SAMSN1: variants seen among roughly 807,000 people sequenced by gnomAD.
The protein encoded by SAMSN1 is SAM domain-containing protein SAMSN-1.
Under a neutral mutation model 42.0 loss-of-function variants are expected in SAMSN1, and 31 were observed. The observed-to-expected ratio is 0.74, with a 90% CI of 0.55 to 1.00. The LOEUF is 1.00. Ranked by LOEUF, SAMSN1 falls within the 50% of genes least tolerant of loss-of-function variation. SAMSN1 has a pLI of 0.00. For missense variants in SAMSN1, 464 were observed against 439.4 expected (o/e 1.06, Z -0.50); for synonymous variants, 178 against 151.9 (o/e 1.17, Z -1.26).
intron 7 of SAMSN1, among the ~76,000 whole-genome samples, chr21:14,497,680 T>A (rs1294488259): frequency 6.6e-6 from 1 of 152,198 alleles, no homozygotes; most frequent in Admixed American, 6.5e-5. Context: ...AAGTTCCTTT[T>A]TATCTTTAAA....
At chr21:14,615,481 C>A (rs1167089718) in intron 3 of SAMSN1, among the ~76,000 whole-genome samples, 2 of 152,272 alleles carry the variant, frequency 1.3e-5, no homozygotes, top group East Asian at 3.9e-4. Flanking sequence ...TCCCCATAAA[C>A]CGGCTTCCTG....
At chr21:14,499,491 CAA>C (rs11301197) in intron 6 of SAMSN1, among the ~76,000 whole-genome samples, 85,153 of 134,036 alleles carry the variant, frequency 0.64, 26,080 homozygotes, top group Admixed American at 0.71. Flanking sequence ...CCCTTTTTAA[CAA>C]AAAAAAAAAA....
intron 7 of SAMSN1, among the ~76,000 whole-genome samples, chr21:14,489,598 T>C (rs1263128295): frequency 6.6e-6 from 1 of 152,064 alleles, no homozygotes; most frequent in African/African-American, 2.4e-5. Context: ...TGAATAAGGG[T>C]CTTTCTTATT....
intron 2 of SAMSN1, among the ~76,000 whole-genome samples, chr21:14,635,295 T>A (rs1983439441): frequency 6.6e-6 from 1 of 152,168 alleles, no homozygotes; most frequent in Non-Finnish European, 1.5e-5. Flanking sequence ...CGCATATACC[T>A]ATGTAACAAC....
At chr21:14,496,453 C>T (rs1986919029) in intron 7 of SAMSN1, 1 of 152,218 alleles carries the variant, frequency 6.6e-6, no homozygotes, top group South Asian at 2.1e-4. Flanking sequence ...AAATACTCTT[C>T]TCCTCCCTGT....
intron 4 of SAMSN1, among the ~76,000 whole-genome samples, chr21:14,510,892 G>A (rs115977301): frequency 0.013 from 1,951 of 152,266 alleles, 30 homozygotes; most frequent in Middle Eastern, 0.044. Context: ...ATGAGTGCAA[G>A]GGAAGGAGAA....
chr21:14,636,481 C>G (rs1376162918), intron 2 of SAMSN1, among the ~76,000 whole-genome samples: 1 of 152,184 alleles, frequency 6.6e-6, no homozygotes, highest in African/African-American at 2.4e-5. Flanking sequence ...CCATCTGTCA[C>G]TGCAGTCAAG....
chr21:14,518,961 C>T (rs1368060979), intron 2 of SAMSN1, among the ~76,000 whole-genome samples: 2 of 152,132 alleles, frequency 1.3e-5, no homozygotes, highest in African/African-American at 4.8e-5. Flanking sequence ...TCTACCATTT[C>T]TAAGCTTCAG....
chr21:14,575,251 T>C (rs576052656), intron 2 of SAMSN1, among the ~76,000 whole-genome samples: 47 of 152,296 alleles, frequency 3.1e-4, no homozygotes, highest in African/African-American at 1.1e-3. Context: ...AATATTAAAT[T>C]GGTCATAATT....
chr21:14,559,036 C>T (rs1980855539), intron 2 of SAMSN1, among the ~76,000 whole-genome samples: 2 of 152,164 alleles, frequency 1.3e-5, no homozygotes, highest in South Asian at 4.1e-4. Flanking sequence ...TTATGTCGGT[C>T]CCATCTCCAC....
Position 14,654,496 on chromosome 21 carries a change from G to A in SAMSN1, c.24+4252C>T, listed in dbSNP as rs1250870009. Among the ~76,000 whole-genome samples, 3 of 152,032 alleles carry A rather than the reference G, an allele frequency of 2.0e-5. No individual in the cohort carries two copies. In the East Asian group the frequency reaches 5.8e-4, roughly 29 times the overall value. ...ATTGGACAGATCTTAAACCCTGAGG[G>A]GTAGCATGCAATCGATGTCCTCTAC... On this transcript the variant is annotated intron_variant, in intron 1 of 15. Transcript: ENST00000647101.
upstream of SAMSN1, among the ~76,000 whole-genome samples, chr21:14,551,265 T>C (rs1385624706): frequency 6.6e-6 from 1 of 152,104 alleles, no homozygotes; most frequent in Non-Finnish European, 1.5e-5. Flanking sequence ...TATCTTGTTA[T>C]CTCAGTTATA....
upstream of SAMSN1, among the ~76,000 whole-genome samples, chr21:14,585,865 C>T (rs911830383): frequency 3.3e-5 from 5 of 152,062 alleles, no homozygotes; most frequent in Admixed American, 2.6e-4. Flanking sequence ...GGACAACCTC[C>T]TCTTGTTAAT....
chr21:14,581,344 C>CTTTTTTTTTTTTTTTTTTTTT lies in SAMSN1; in HGVS notation c.261+771_261+791dup, dbSNP rs56728511. ...TGTAAAATGAGGGGAAATAATATTT[C>CTTTTTTTTTTTTTTTTTTTTT]TTTTTTTTTTTTTTTTTTTTTTTTT... On this transcript the variant is annotated intron_variant, in intron 2 of 8. Coordinates refer to the SAMSN1 transcript ENST00000285670. 1.1e-3 allele frequency among the ~76,000 whole-genome samples: 37 copies of CTTTTTTTTTTTTTTTTTTTTT among 32,594 alleles called. 13 individuals carry two copies. Among genetic ancestry groups the CTTTTTTTTTTTTTTTTTTTTT allele is most frequent in the East Asian group, 2.6e-3 (2 of 768 alleles). The allele number at this position is 32,594 out of a possible 152,430, so 21.4% of individuals were successfully genotyped here.
chr21:14,519,696 A>T (rs1002730263), intron 2 of SAMSN1, among the ~76,000 whole-genome samples: 1 of 141,288 alleles, frequency 7.1e-6, no homozygotes, highest in Admixed American at 6.8e-5. Flanking sequence ...AATATTACAG[A>T]TAGTTATATT....
chr21:14,519,598 T>C (rs1407084554), intron 2 of SAMSN1, among the ~76,000 whole-genome samples: 1 of 152,054 alleles, frequency 6.6e-6, no homozygotes, highest in African/African-American at 2.4e-5. Flanking sequence ...TGATTGACTA[T>C]ACAATTATGT....
intron 1 of SAMSN1, among the ~76,000 whole-genome samples, chr21:14,527,042 T>C (rs1978906367): frequency 2.0e-5 from 3 of 152,212 alleles, no homozygotes; most frequent in Admixed American, 6.5e-5. Context: ...AAGATTTGCA[T>C]TTGTGAGGCA....
At chr21:14,496,336 G>A (rs564912404) in intron 7 of SAMSN1, 11 of 152,262 alleles carry the variant, frequency 7.2e-5, no homozygotes, top group African/African-American at 2.6e-4. Flanking sequence ...CTAGCTGTTC[G>A]ACTTCTTTGA....
At chr21:14,532,892 A>G (rs1038641921) in intron 1 of SAMSN1, among the ~76,000 whole-genome samples, 1 of 151,590 alleles carries the variant, frequency 6.6e-6, no homozygotes, top group Non-Finnish European at 1.5e-5. Context: ...TTAATATTTT[A>G]TTACTTTTAT....
Sources: gnomAD v4.1 joint callset for allele counts (sites outside exome capture counted in the v4.1 genomes callset) on GRCh38, gnomAD v4.1.1 for gene constraint, MANE v1.5 for transcripts, NCBI Gene and HGNC (gene_info 2026-07-23, HGNC 2026-07-21) for gene names.